The following MCU variants were observed in gnomAD, a reference collection of about 807,000 sequenced individuals.
MCU encodes mitochondrial calcium uniporter, also known as calcium uniporter protein, mitochondrial.
A neutral mutation model predicts 45.2 loss-of-function variants in MCU; 12 were observed. The ratio of observed to expected loss-of-function variants is 0.27; its 90% CI spans 0.17 to 0.43. The LOEUF is 0.43. MCU is among the 20% of genes least tolerant of loss of function. The probability of loss-of-function intolerance (pLI) is 1.00; values close to 1 mark genes in which losing one functional copy is unlikely to be tolerated. For missense variants in MCU, 324 were observed against 436.7 expected (o/e 0.74, Z 2.30); for synonymous variants, 160 against 165.1 (o/e 0.97, Z 0.24).
intron 1 of MCU, among the ~76,000 whole-genome samples, chr10:72,725,636 C>T (rs1843087579): frequency 6.6e-6 from 1 of 152,096 alleles, no homozygotes; most frequent in Non-Finnish European, 1.5e-5. Context: ...CGCCTATAAT[C>T]CCAACACTTT....
At chr10:72,735,254 T>C (rs1212460890) in intron 1 of MCU, among the ~76,000 whole-genome samples, 1 of 152,046 alleles carries the variant, frequency 6.6e-6, no homozygotes, top group Non-Finnish European at 1.5e-5. Context: ...ATTGTTAAAG[T>C]GTGTTGGGTT....
At chr10:72,809,887 G>C (rs1705021018) in intron 1 of MCU, among the ~76,000 whole-genome samples, 1 of 152,106 alleles carries the variant, frequency 6.6e-6, no homozygotes, top group Non-Finnish European at 1.5e-5. Flanking sequence ...TCAAAGAAAA[G>C]AATTTCAGGA....
At chr10:72,792,566 A>G (rs1159044232) in intron 1 of MCU, among the ~76,000 whole-genome samples, 2 of 152,160 alleles carry the variant, frequency 1.3e-5, no homozygotes, top group African/African-American at 2.4e-5. Flanking sequence ...ATCCTAGGTC[A>G]TGAAAAACTC....
intron 1 of MCU, among the ~76,000 whole-genome samples, chr10:72,735,022 G>A (rs1252571512): frequency 6.6e-6 from 1 of 151,490 alleles, no homozygotes; most frequent in Non-Finnish European, 1.5e-5. Context: ...GCTTCAGTGG[G>A]CTGTGATCGG....
chr10:72,811,735 T>G (rs889714352), intron 1 of MCU, among the ~76,000 whole-genome samples: 1 of 152,226 alleles, frequency 6.6e-6, no homozygotes, highest in Admixed American at 6.5e-5. Flanking sequence ...GATAATGTTT[T>G]GAATTTTTGC....
At chr10:72,793,866 G>T (rs1330571716) in intron 1 of MCU, among the ~76,000 whole-genome samples, 2 of 152,140 alleles carry the variant, frequency 1.3e-5, no homozygotes, top group African/African-American at 2.4e-5. Flanking sequence ...GGCCTACTCA[G>T]ATTCAAGACC....
chr10:72,780,511 A>AGAGTGTGTGTGTGTGT (rs778332838), intron 1 of MCU, among the ~76,000 whole-genome samples: 1 of 110,584 alleles, frequency 9.0e-6, no homozygotes, highest in Non-Finnish European at 1.8e-5. Context: ...TCTTTGGCTA[A>AGAGTGTGTGTGTGTGT]GTGTGTGTGT....
At chr10:72,876,004 G>A (rs1418574653) in intron 6 of MCU, among the ~76,000 whole-genome samples, 1 of 152,146 alleles carries the variant, frequency 6.6e-6, no homozygotes, top group Non-Finnish European at 1.5e-5. Context: ...TAAACCTCCT[G>A]TGGGAAGGAG....
intron 1 of MCU, among the ~76,000 whole-genome samples, chr10:72,708,929 A>T (rs1221564423): frequency 6.6e-6 from 1 of 152,058 alleles, no homozygotes; most frequent in Non-Finnish European, 1.5e-5. Flanking sequence ...AGGCAGGAGG[A>T]TCACTTGAGC....
At chr10:72,815,221 A>C (rs1299421996) in intron 1 of MCU, among the ~76,000 whole-genome samples, 1 of 152,232 alleles carries the variant, frequency 6.6e-6, no homozygotes, top group South Asian at 2.1e-4. Flanking sequence ...CATACACACT[A>C]TATATGGCTG....
At chr10:72,820,857 T>C (rs1169882751) in intron 1 of MCU, among the ~76,000 whole-genome samples, 2 of 151,946 alleles carry the variant, frequency 1.3e-5, no homozygotes, top group Non-Finnish European at 2.9e-5. Flanking sequence ...TTAACAGTAC[T>C]TTTGGTCAGT....
At chr10:72,787,550 T>C (rs543936410) in intron 1 of MCU, among the ~76,000 whole-genome samples, 1 of 152,268 alleles carries the variant, frequency 6.6e-6, no homozygotes, top group East Asian at 1.9e-4. Context: ...ATTATAGGCA[T>C]GAGCCACCGT....
intron 1 of MCU, among the ~76,000 whole-genome samples, chr10:72,798,458 A>G (rs2132775917): frequency 6.6e-6 from 1 of 152,044 alleles, no homozygotes; most frequent in South Asian, 2.1e-4. Flanking sequence ...TGCCCGGCTA[A>G]TTTTTGTATT....
intron 6 of MCU, among the ~76,000 whole-genome samples, chr10:72,872,457 G>A (rs564100750): frequency 1.3e-5 from 2 of 152,060 alleles, no homozygotes; most frequent in African/African-American, 4.8e-5. Context: ...TACTTCTGTG[G>A]GTTCAACTTC....
At chr10:72,858,128 A>T (rs994830341) in intron 2 of MCU, among the ~76,000 whole-genome samples, 1 of 152,204 alleles carries the variant, frequency 6.6e-6, no homozygotes, top group African/African-American at 2.4e-5. Flanking sequence ...CCAAAAACAG[A>T]CACTTTGAGG....
intron 1 of MCU, among the ~76,000 whole-genome samples, chr10:72,742,285 G>C (rs1343783297): frequency 1.3e-5 from 2 of 152,162 alleles, no homozygotes; most frequent in African/African-American, 2.4e-5. Context: ...TAAGTACACT[G>C]TGATGCCTGC....
chr10:72,746,854 A>G (rs1287241401), intron 1 of MCU, among the ~76,000 whole-genome samples: 2 of 152,188 alleles, frequency 1.3e-5, no homozygotes, highest in Non-Finnish European at 2.9e-5. Flanking sequence ...GGAGGTGACT[A>G]ATTTATGATC....
At chr10:72,719,308 G>T (rs1842991395) in intron 1 of MCU, among the ~76,000 whole-genome samples, 1 of 152,158 alleles carries the variant, frequency 6.6e-6, no homozygotes, top group South Asian at 2.1e-4. Flanking sequence ...TACAGTCTTA[G>T]TCTTATTTGT....
chr10:72,797,231 A>AT (rs71021532), intron 1 of MCU, among the ~76,000 whole-genome samples: 20 of 147,002 alleles, frequency 1.4e-4, no homozygotes, highest in Non-Finnish European at 2.5e-4. Flanking sequence ...ATTTTATTTT[A>AT]TTTTTTTTTT....
Sources: allele counts gnomAD v4.1 joint callset (sites outside exome capture counted in the v4.1 genomes callset), GRCh38; gene constraint gnomAD v4.1.1; transcripts MANE v1.5; gene names NCBI Gene and HGNC (gene_info 2026-07-23, HGNC 2026-07-21).